The following MGLL variants were observed in gnomAD, a reference collection of about 807,000 sequenced individuals.
The protein encoded by MGLL is monoglyceride lipase, also known as lysophospholipase homolog.
MGLL carries 7 observed loss-of-function variants against 29.1 expected under a neutral mutation model. The observed-to-expected ratio is 0.24, with a 90% confidence interval of 0.14 to 0.45. MGLL has a LOEUF of 0.45. Among genes scored for constraint, MGLL ranks in the 20% least tolerant of loss-of-function variants. The pLI is 0.99. For synonymous variants in MGLL, 148 were observed against 168.3 expected (o/e 0.88, Z 0.93); for missense variants, 356 against 413.6 (o/e 0.86, Z 1.21).
chr3:127,757,523 T>TG (rs1370926563), intron 3 of MGLL, among the ~76,000 whole-genome samples: 1 of 152,160 alleles, frequency 6.6e-6, no homozygotes, highest in African/African-American at 2.4e-5. Context: ...AAGAAATTGA[T>TG]GACTTAGCTC....
intron 5 of MGLL, chr3:127,712,414 A>T (rs1413908887): frequency 6.6e-6 from 1 of 152,284 alleles, no homozygotes; most frequent in Non-Finnish European, 1.5e-5. Flanking sequence ...GACAGCAAAA[A>T]ACGGGCTTTT....
chr3:127,769,017 T>C (rs72626395), intron 3 of MGLL, among the ~76,000 whole-genome samples: 17,906 of 152,190 alleles, frequency 0.12, 1,113 homozygotes, highest in Middle Eastern at 0.15. Flanking sequence ...TTCCTTTCAG[T>C]TCAGCATATG....
rs541465119 is a variant in MGLL at position 127,732,632 on chromosome 3, G to A, written c.263-10066C>T. Among the ~76,000 whole-genome samples the A allele has an allele frequency of 2.0e-5, 3 of 152,354 alleles. No homozygotes were observed. The East Asian group carries it at 5.8e-4, about 29-fold the overall frequency. ...CCCAGGTGAGTCCTGAGAAGGATCT[G>A]GTTCCGTGTCAGGCAGGGACAGGTG... is the stretch of plus-strand genomic sequence containing the variant. On this transcript the variant is annotated intron_variant, in intron 3 of 7. Transcript: ENST00000265052.
intron 3 of MGLL, among the ~76,000 whole-genome samples, chr3:127,752,263 A>AT (rs764606109): frequency 3.3e-5 from 5 of 151,970 alleles, no homozygotes; most frequent in Non-Finnish European, 5.9e-5. Context: ...CTCCCAGCTA[A>AT]TTTTTTTGTA....
intron 3 of MGLL, among the ~76,000 whole-genome samples, chr3:127,739,348 T>C (rs1038266663): frequency 6.6e-6 from 1 of 152,224 alleles, no homozygotes; most frequent in Non-Finnish European, 1.5e-5. Flanking sequence ...ATAAAGTGCT[T>C]AGAGCAGTAA....
chr3:127,822,198 G>A lies in MGLL; in HGVS notation c.10+111C>T, dbSNP rs2107766984. ...GGGTACAAAGACCCAGCTGCAAGAA[G>A]ACCCATCTATCTTAAAATCTCCAAG... On this transcript the variant is annotated intron_variant, in intron 1 of 7. Transcript: ENST00000265052. 2.4e-6 allele frequency: 3 copies of A among 1,225,850 alleles called. No individual in the cohort carries two copies. The South Asian group carries it at 3.7e-5, about 15-fold the overall frequency. The allele number at this position is 1,225,850 out of a possible 1,614,324, so 75.9% of individuals were successfully genotyped here.
chr3:127,712,527 A>C (rs1324419062), intron 5 of MGLL: 1 of 152,264 alleles, frequency 6.6e-6, no homozygotes, highest in Non-Finnish European at 1.5e-5. Context: ...TTCTTAGTGC[A>C]AAGGTGGCAG....
intron 2 of MGLL, among the ~76,000 whole-genome samples, chr3:127,807,524 CTCT>C (rs2077587006): frequency 6.6e-6 from 1 of 151,656 alleles, no homozygotes; most frequent in Admixed American, 6.6e-5. Flanking sequence ...GCTTAACTTG[CTCT>C]TCTTTTTTCA....
At chr3:127,822,235 A>G in intron 1 of MGLL, 74 bp downstream of exon 1, 1 of 1,514,764 alleles carries the variant, frequency 6.6e-7, no homozygotes, top group Non-Finnish European at 9.2e-7. Context: ...AACAGTTTCA[A>G]GTGGGCACAA....
chr3:127,822,103 A>G, intron 1 of MGLL: 1 of 681,052 alleles, frequency 1.5e-6, no homozygotes, highest in South Asian at 2.1e-5. Context: ...TTTATTTTAA[A>G]TCATTTCAGG....
intron 2 of MGLL, among the ~76,000 whole-genome samples, chr3:127,785,244 C>T (rs2077193217): frequency 6.6e-6 from 1 of 152,198 alleles, no homozygotes; most frequent in African/African-American, 2.4e-5. Context: ...CCGCTCCCTC[C>T]TCTCTTCAGA....
intron 3 of MGLL, among the ~76,000 whole-genome samples, chr3:127,737,793 C>T (rs1269283288): frequency 1.3e-5 from 2 of 151,480 alleles, no homozygotes; most frequent in South Asian, 2.1e-4. Flanking sequence ...TACAGGCATG[C>T]ACCACCACAC....
At chr3:127,721,022 A>G (rs747888031) in intron 5 of MGLL, 31 bp downstream of exon 5, 1 of 1,581,994 alleles carries the variant, frequency 6.3e-7, no homozygotes, top group Non-Finnish European at 8.7e-7. Flanking sequence ...GGGAACCTGT[A>G]GGAATTGTAC....
At chr3:127,756,403 T>C (rs2107676499) in intron 3 of MGLL, among the ~76,000 whole-genome samples, 1 of 152,282 alleles carries the variant, frequency 6.6e-6, no homozygotes, top group South Asian at 2.1e-4. Flanking sequence ...CCAATATTTC[T>C]CTGCTTTCAT....
At chr3:127,822,106 A>T in intron 1 of MGLL, 1 of 683,730 alleles carries the variant, frequency 1.5e-6, no homozygotes. Flanking sequence ...ATTTTAAATC[A>T]TTTCAGGAAA....
chr3:127,789,392 C>T (rs531775380), intron 2 of MGLL, among the ~76,000 whole-genome samples: 2 of 152,298 alleles, frequency 1.3e-5, no homozygotes, highest in African/African-American at 4.8e-5. Context: ...GACACCCAAC[C>T]CAATCTTAGC....
chr3:127,798,329 C>T (rs2077420110), intron 2 of MGLL, among the ~76,000 whole-genome samples: 1 of 152,182 alleles, frequency 6.6e-6, no homozygotes, highest in Non-Finnish European at 1.5e-5. Flanking sequence ...TGCCATAAAA[C>T]AGGCAGCACG....
At chr3:127,712,016 C>T (rs892025923) in intron 5 of MGLL, 2 of 152,278 alleles carry the variant, frequency 1.3e-5, no homozygotes, top group Non-Finnish European at 2.9e-5. Flanking sequence ...GCCACGGCGC[C>T]CGGCCAGTCT....
At chr3:127,745,141 G>A (rs2076418117) in intron 3 of MGLL, among the ~76,000 whole-genome samples, 1 of 152,218 alleles carries the variant, frequency 6.6e-6, no homozygotes, top group Admixed American at 6.5e-5. Flanking sequence ...TTCCTCATCA[G>A]TGAAAGCCGC....
Sources: gnomAD v4.1 joint callset for allele counts (sites outside exome capture counted in the v4.1 genomes callset) on GRCh38, gnomAD v4.1.1 for gene constraint, MANE v1.5 for transcripts, NCBI Gene and HGNC (gene_info 2026-07-23, HGNC 2026-07-21) for gene names.